The following DLG2 variants were observed in gnomAD, a reference collection of about 807,000 sequenced individuals.
DLG2 encodes the protein disks large homolog 2.
In DLG2, 45 loss-of-function variants were observed where a neutral mutation model predicts 132.5. The observed-to-expected ratio is 0.34, with a 90% CI of 0.27 to 0.44. The LOEUF (loss-of-function observed/expected upper bound fraction) is 0.44, where lower values mean the gene tolerates loss of function less well. Ranked by LOEUF, DLG2 falls within the 20% of genes least tolerant of loss-of-function variation. The pLI is 1.00. For synonymous variants in DLG2, 424 were observed against 419.6 expected (o/e 1.01, Z -0.13); for missense variants, 1,045 against 1,196.9 (o/e 0.87, Z 1.87).
rs79603384 is a variant in DLG2 at position 83,638,669 on chromosome 11, T to C, written c.1826-5344A>G. 4.8e-3 allele frequency among the ~76,000 whole-genome samples: 735 copies of C among 152,188 alleles called. 8 individuals carry two copies. The highest frequency in any genetic ancestry group is 0.016 in the African/African-American group (678 of 41,520). ...GAATTGATGTCTTCACCAGGTCAAA[T>C]AGGAATGAGCCACAGATGGCCATAC... On this transcript the variant is annotated intron_variant, in intron 18 of 27. Coordinates refer to ENST00000376104, the MANE Select transcript of DLG2 (RefSeq NM_001142699.3).
intron 11 of DLG2, among the ~76,000 whole-genome samples, chr11:84,029,575 G>C (rs1427012971): frequency 6.6e-6 from 1 of 152,080 alleles, no homozygotes; most frequent in Non-Finnish European, 1.5e-5. Flanking sequence ...GGAAACAAGT[G>C]ATATGAATAA....
At chr11:84,820,590 T>C (rs2077560222) in intron 6 of DLG2, among the ~76,000 whole-genome samples, 2 of 152,068 alleles carry the variant, frequency 1.3e-5, no homozygotes, top group Non-Finnish European at 2.9e-5. Flanking sequence ...TCCAGCCATA[T>C]AGTCTTCCTT....
chr11:83,600,236 G>GTT (rs2058307782), intron 19 of DLG2, among the ~76,000 whole-genome samples: 1 of 145,512 alleles, frequency 6.9e-6, no homozygotes. Context: ...CTAGCTATAG[G>GTT]GTGTGTGTGT....
intron 17 of DLG2, among the ~76,000 whole-genome samples, chr11:83,798,340 C>A (rs2043389644): frequency 6.6e-6 from 1 of 152,106 alleles, no homozygotes; most frequent in Non-Finnish European, 1.5e-5. Context: ...AGAGTTTAAG[C>A]AAATAAAATG....
intron 6 of DLG2, among the ~76,000 whole-genome samples, chr11:84,951,603 C>CAT (rs554180425): frequency 1.3e-5 from 2 of 149,578 alleles, no homozygotes; most frequent in Admixed American, 6.7e-5. Flanking sequence ...TATATATACA[C>CAT]ATATATATAC....
intron 7 of DLG2, among the ~76,000 whole-genome samples, chr11:84,311,354 C>G (rs912035361): frequency 5.3e-5 from 8 of 152,282 alleles, no homozygotes; most frequent in African/African-American, 1.4e-4. Flanking sequence ...AAGTGCCATA[C>G]TGGGGTTTTT....
At chr11:83,509,493 A>C (rs2094898482) in intron 21 of DLG2, among the ~76,000 whole-genome samples, 1 of 152,162 alleles carries the variant, frequency 6.6e-6, no homozygotes, top group African/African-American at 2.4e-5. Flanking sequence ...CTACTTCAGA[A>C]GACAAAATTC....
intron 3 of DLG2, among the ~76,000 whole-genome samples, chr11:85,375,718 A>G (rs1384401885): frequency 1.3e-5 from 2 of 152,230 alleles, no homozygotes; most frequent in Non-Finnish European, 2.9e-5. Context: ...TTCAATTTGA[A>G]CAGTAATAAG....
chr11:83,883,671 A>G (rs190982037), intron 15 of DLG2, among the ~76,000 whole-genome samples: 10 of 152,338 alleles, frequency 6.6e-5, no homozygotes, highest in Admixed American at 1.3e-4. Flanking sequence ...GTGTTTTAAC[A>G]CAGCGGGCAT....
At chr11:85,476,779 A>G (rs1318170262) in intron 3 of DLG2, among the ~76,000 whole-genome samples, 1 of 152,092 alleles carries the variant, frequency 6.6e-6, no homozygotes, top group African/African-American at 2.4e-5. Flanking sequence ...TCTGTTATCT[A>G]CTATGATTAA....
intron 6 of DLG2, among the ~76,000 whole-genome samples, chr11:84,673,546 T>G (rs917284251): frequency 4.6e-5 from 7 of 150,746 alleles, no homozygotes; most frequent in African/African-American, 1.7e-4. Context: ...TTATTTGGAT[T>G]AGGTGGAAAG....
chr11:83,543,885 G>A (rs1266573688), intron 19 of DLG2, among the ~76,000 whole-genome samples: 1 of 152,156 alleles, frequency 6.6e-6, no homozygotes, highest in Non-Finnish European at 1.5e-5. Context: ...TGGAAAGTTA[G>A]ATTTTGGGAG....
intron 3 of DLG2, among the ~76,000 whole-genome samples, chr11:85,389,350 T>C (rs1360367875): frequency 1.3e-5 from 2 of 151,872 alleles, no homozygotes; most frequent in East Asian, 1.9e-4. Context: ...CTCCAAGAAG[T>C]TTGGGATTAT....
rs77493431 is a variant in DLG2 at position 85,407,155 on chromosome 11, G to A, written c.41-121790C>T. On this transcript the variant is annotated intron_variant, in intron 3 of 27. Coordinates refer to ENST00000376104, the MANE Select transcript of DLG2 (RefSeq NM_001142699.3). ...AAGTCGAAAGAGTAGTGGAGGTAGA[G>A]GGACCAAATCATGTATGATGTTTCA... is the stretch of plus-strand genomic sequence containing the variant. Among the ~76,000 whole-genome samples the A allele has an allele frequency of 2.5e-3, 382 of 151,890 alleles. 1 individual carries two copies. The highest frequency in any genetic ancestry group is 8.9e-3 in the African/African-American group (370 of 41,476).
intron 16 of DLG2, among the ~76,000 whole-genome samples, chr11:83,852,550 C>T (rs192288733): frequency 6.6e-6 from 1 of 152,190 alleles, no homozygotes; most frequent in African/African-American, 2.4e-5. Flanking sequence ...ATTACTATTA[C>T]TGAAATTCAT....
At chr11:84,381,511 G>A (rs2098749052) in intron 7 of DLG2, among the ~76,000 whole-genome samples, 1 of 152,118 alleles carries the variant, frequency 6.6e-6, no homozygotes, top group African/African-American at 2.4e-5. Context: ...TCACAAGCAA[G>A]TTGACTTTAT....
intron 3 of DLG2, among the ~76,000 whole-genome samples, chr11:85,438,459 G>A (rs556988048): frequency 6.6e-6 from 1 of 151,978 alleles, no homozygotes; most frequent in Non-Finnish European, 1.5e-5. Context: ...AGACTTACTT[G>A]CAATTGTAAA....
chr11:85,186,873 C>T (rs2080143412), intron 4 of DLG2, among the ~76,000 whole-genome samples: 1 of 152,008 alleles, frequency 6.6e-6, no homozygotes. Context: ...TCATTTTAAT[C>T]AATGCCTATT....
At chr11:84,871,235 TC>T (rs1468572447) in intron 6 of DLG2, among the ~76,000 whole-genome samples, 2 of 152,230 alleles carry the variant, frequency 1.3e-5, no homozygotes, top group South Asian at 4.1e-4. Context: ...TTTCCAGGCT[TC>T]CTGCATAAGG....
Sources: allele counts gnomAD v4.1 joint callset (sites outside exome capture counted in the v4.1 genomes callset), GRCh38; gene constraint gnomAD v4.1.1; transcripts MANE v1.5; gene names NCBI Gene and HGNC (gene_info 2026-07-23, HGNC 2026-07-21).